KCNQ3: variants seen among roughly 807,000 people sequenced by gnomAD.
KCNQ3 encodes potassium voltage-gated channel subfamily Q member 3, also known as potassium voltage-gated channel subfamily KQT member 3.
Under a neutral mutation model 92.5 loss-of-function variants are expected in KCNQ3, and 30 were observed. That is an observed-to-expected ratio of 0.32 (90% CI 0.24 to 0.44). The LOEUF is 0.44. Ranked by LOEUF, KCNQ3 falls within the 20% of genes least tolerant of loss-of-function variation. KCNQ3 has a pLI of 1.00. For synonymous variants in KCNQ3, 450 were observed against 468.8 expected (o/e 0.96, Z 0.52); for missense variants, 913 against 1,140.3 (o/e 0.80, Z 2.87).
chr8:132,342,175 A>G (rs933518976), intron 1 of KCNQ3, among the ~76,000 whole-genome samples: 1 of 151,282 alleles, frequency 6.6e-6, no homozygotes, highest in African/African-American at 2.4e-5. Flanking sequence ...CACTCCCTAA[A>G]CTCATTTGAT....
chr8:132,225,435 A>G (rs951985056), intron 1 of KCNQ3, among the ~76,000 whole-genome samples: 1 of 152,200 alleles, frequency 6.6e-6, no homozygotes, highest in African/African-American at 2.4e-5. Context: ...ATAGAAAGCA[A>G]CTGGGATCAA....
At chr8:132,339,168 G>A (rs1818448358) in intron 1 of KCNQ3, among the ~76,000 whole-genome samples, 1 of 152,160 alleles carries the variant, frequency 6.6e-6, no homozygotes, top group South Asian at 2.1e-4. Context: ...TAGGCCTGAG[G>A]CACCTCCTCT....
At chr8:132,415,822 T>C (rs955100966) in intron 1 of KCNQ3, among the ~76,000 whole-genome samples, 1 of 152,160 alleles carries the variant, frequency 6.6e-6, no homozygotes, top group African/African-American at 2.4e-5. Flanking sequence ...ATATGCAGCA[T>C]ATCTCTGGCA....
rs113046104 is a variant in KCNQ3 at position 132,308,865 on chromosome 8, A to C, written c.387-122684T>G. ...AGTGGCAGAACTAGAATTTCAGACC[A>C]AGTCTATCTGACTCCAGAGTCTAAA... On this transcript the variant is annotated intron_variant, in intron 1 of 14. Coordinates refer to ENST00000388996, the MANE Select transcript of KCNQ3 (RefSeq NM_004519.4). 3.3e-3 allele frequency among the ~76,000 whole-genome samples: 505 copies of C among 152,350 alleles called. 1 individual carries two copies. The highest frequency in any genetic ancestry group is 0.012 in the African/African-American group (482 of 41,582).
At chr8:132,208,351 A>G (rs1405941834) in intron 1 of KCNQ3, among the ~76,000 whole-genome samples, 4 of 152,062 alleles carry the variant, frequency 2.6e-5, no homozygotes, top group Non-Finnish European at 5.9e-5. Flanking sequence ...GCTGCAATTA[A>G]AAAAAACCGC....
intron 1 of KCNQ3, among the ~76,000 whole-genome samples, chr8:132,313,987 A>T (rs1477106068): frequency 6.6e-6 from 1 of 152,206 alleles, no homozygotes; most frequent in African/African-American, 2.4e-5. Context: ...AATAGAGAGG[A>T]TAATTTTGCT....
intron 1 of KCNQ3, among the ~76,000 whole-genome samples, chr8:132,361,788 CAGATA>C (rs976526084): frequency 2.6e-5 from 4 of 151,960 alleles, no homozygotes; most frequent in Non-Finnish European, 4.4e-5. Flanking sequence ...GAAATTAACC[CAGATA>C]AGATATTTTT....
At chr8:132,239,681 C>T (rs1375414963) in intron 1 of KCNQ3, among the ~76,000 whole-genome samples, 2 of 152,156 alleles carry the variant, frequency 1.3e-5, no homozygotes, top group Non-Finnish European at 2.9e-5. Flanking sequence ...CATGATGGAA[C>T]CAGACCCCAT....
At chr8:132,320,572 C>A (rs1353060018) in intron 1 of KCNQ3, among the ~76,000 whole-genome samples, 1 of 152,094 alleles carries the variant, frequency 6.6e-6, no homozygotes, top group Non-Finnish European at 1.5e-5. Context: ...GGTAATTCTT[C>A]CTGTCCCTAT....
At chr8:132,455,908 A>ATT (rs1035304884) in intron 1 of KCNQ3, among the ~76,000 whole-genome samples, 3 of 148,842 alleles carry the variant, frequency 2.0e-5, no homozygotes, top group African/African-American at 7.4e-5. Flanking sequence ...AGCCTGGCTA[A>ATT]TTTTTTTTTT....
chr8:132,292,315 T>C (rs1406952017), intron 1 of KCNQ3, among the ~76,000 whole-genome samples: 45 of 152,202 alleles, frequency 3.0e-4, no homozygotes, highest in Admixed American at 2.9e-3. Flanking sequence ...GAGATTTATA[T>C]GCACCACCTA....
chr8:132,139,898 C>T (rs1825228588), intron 11 of KCNQ3, among the ~76,000 whole-genome samples, 178 bp downstream of exon 11: 1 of 152,140 alleles, frequency 6.6e-6, no homozygotes, highest in Non-Finnish European at 1.5e-5. Context: ...ACGTCTGGAT[C>T]ATTTTTTCTG....
chr8:132,406,643 C>T (rs1304660719), intron 1 of KCNQ3, among the ~76,000 whole-genome samples: 1 of 152,112 alleles, frequency 6.6e-6, no homozygotes, highest in African/African-American at 2.4e-5. Flanking sequence ...AACACACACA[C>T]ACACCAGCAA....
At chr8:132,420,919 A>AAAAAAAC (rs1587004082) in intron 1 of KCNQ3, among the ~76,000 whole-genome samples, 1 of 152,136 alleles carries the variant, frequency 6.6e-6, no homozygotes, top group Non-Finnish European at 1.5e-5. Flanking sequence ...TAGAGATGCA[A>AAAAAAAC]AAAAAACAAA....
At chr8:132,204,453 G>A (rs886273829) in intron 1 of KCNQ3, among the ~76,000 whole-genome samples, 15 of 152,190 alleles carry the variant, frequency 9.9e-5, no homozygotes, top group Non-Finnish European at 1.9e-4. Context: ...CTATGACTAA[G>A]GATGGAAAAG....
intron 1 of KCNQ3, among the ~76,000 whole-genome samples, chr8:132,322,401 A>G (rs898920923): frequency 2.0e-5 from 3 of 152,152 alleles, no homozygotes; most frequent in African/African-American, 7.2e-5. Context: ...CAGAACTGAG[A>G]TGCAGAATTT....
rs540583118 is a variant in KCNQ3 at position 132,230,359 on chromosome 8, C to A, written c.387-44178G>T. ...GAGCAAAGAGAAATCACACCCACAC[C>A]CAGCTGACATTCATTTTCCATTTTC... On this transcript the variant is annotated intron_variant, in intron 1 of 14. Transcript: ENST00000388996. Among the ~76,000 whole-genome samples, 7 of 152,038 alleles carry A rather than the reference C, an allele frequency of 4.6e-5. No homozygotes were observed. In the South Asian group the frequency reaches 1.5e-3, roughly 32 times the overall value.
intron 1 of KCNQ3, among the ~76,000 whole-genome samples, chr8:132,273,130 C>G (rs1170010416): frequency 6.6e-6 from 1 of 152,172 alleles, no homozygotes; most frequent in Non-Finnish European, 1.5e-5. Context: ...TGTGGGGGCT[C>G]TGACCCCATA....
At chr8:132,440,609 C>T (rs528829725) in intron 1 of KCNQ3, among the ~76,000 whole-genome samples, 5 of 152,268 alleles carry the variant, frequency 3.3e-5, no homozygotes, top group African/African-American at 1.2e-4. Context: ...TTACGTGACC[C>T]TTTCCCCACG....
Sources: allele counts gnomAD v4.1 joint callset (sites outside exome capture counted in the v4.1 genomes callset), GRCh38; gene constraint gnomAD v4.1.1; transcripts MANE v1.5; gene names NCBI Gene and HGNC (gene_info 2026-07-23, HGNC 2026-07-21).